Variants in NRG3 observed in about 807,000 individuals in gnomAD.
NRG3 encodes pro-neuregulin-3, membrane-bound isoform.
In NRG3, 31 loss-of-function variants were observed where a neutral mutation model predicts 66.9. That is an observed-to-expected ratio of 0.46 (90% CI 0.35 to 0.63). The LOEUF is 0.63. Among genes scored for constraint, NRG3 ranks in the 20% least tolerant of loss-of-function variants. NRG3 has a pLI of 0.00. For missense variants in NRG3, 910 were observed against 878.9 expected, an observed-to-expected ratio of 1.04 and a Z score of -0.45; for synonymous variants, 393 against 359.4, an observed-to-expected ratio of 1.09 and a Z score of -1.06.
At position 82,014,248 on chromosome 10, in the gene NRG3, C is replaced by T. The variant is rs370606311; in HGVS notation, c.823+138085C>T. On this transcript the variant is annotated intron_variant, in intron 1 of 8. Coordinates refer to ENST00000372141, the MANE Select transcript of NRG3 (RefSeq NM_001010848.4). ...CTTCCATAAGCAAGTGCTTTATACT[C>T]ACACTGTTGCATGTAAACTCCTCAA... Among the ~76,000 whole-genome samples, 11 of 152,184 alleles carry T rather than the reference C, an allele frequency of 7.2e-5. No homozygotes were observed. In the East Asian group the frequency reaches 1.3e-3, roughly 19 times the overall value.
intron 2 of NRG3, among the ~76,000 whole-genome samples, chr10:82,597,922 A>ATC: frequency 6.7e-6 from 1 of 148,568 alleles, no homozygotes; most frequent in East Asian, 2.0e-4. Flanking sequence ...TCCCTCTCAA[A>ATC]AAAAAAAAAA....
At chr10:82,407,570 T>A (rs2136111633) in intron 2 of NRG3, among the ~76,000 whole-genome samples, 1 of 152,280 alleles carries the variant, frequency 6.6e-6, no homozygotes, top group South Asian at 2.1e-4. Flanking sequence ...ACACACAAAA[T>A]AATGCCTTAC....
At chr10:82,311,603 G>A (rs2081031206) in intron 1 of NRG3, among the ~76,000 whole-genome samples, 1 of 152,178 alleles carries the variant, frequency 6.6e-6, no homozygotes, top group Admixed American at 6.5e-5. Flanking sequence ...GTTCAGTGTG[G>A]CAGGTAGGAT....
intron 2 of NRG3, among the ~76,000 whole-genome samples, chr10:82,371,921 C>T (rs1463448785): frequency 1.3e-5 from 2 of 152,258 alleles, no homozygotes; most frequent in Non-Finnish European, 2.9e-5. Context: ...CATCTGCTCT[C>T]ATGACTCAAA....
chr10:82,872,265 G>T (rs1003602788), intron 4 of NRG3, among the ~76,000 whole-genome samples: 6 of 152,024 alleles, frequency 3.9e-5, no homozygotes, highest in Non-Finnish European at 7.4e-5. Flanking sequence ...ATGTCACTTG[G>T]TTGTGTTTTC....
In NRG3 at chr10:81,991,843, A is replaced by G. The variant is rs193254171; in HGVS notation, c.823+115680A>G. Among the ~76,000 whole-genome samples, 329 of 152,278 alleles carry G rather than the reference A, an allele frequency of 2.2e-3. 1 individual carries two copies. Among genetic ancestry groups the G allele is most frequent in the Middle Eastern group, 0.01 (3 of 294 alleles). On this transcript the variant is annotated intron_variant, in intron 1 of 8. Transcript: ENST00000372141. ...TCACCCATGAATATTTTAAAGAGGTAGCTCTTTATTCTCCAGAGTAAACTA... is the reference window on the plus strand; with the variant it reads ...TCACCCATGAATATTTTAAAGAGGTGGCTCTTTATTCTCCAGAGTAAACTA...
chr10:82,326,414 T>C (rs2081874673), intron 1 of NRG3, among the ~76,000 whole-genome samples: 1 of 152,126 alleles, frequency 6.6e-6, no homozygotes, highest in East Asian at 1.9e-4. Context: ...TGCTTGGAAT[T>C]TGTCGAGCTT....
intron 1 of NRG3, among the ~76,000 whole-genome samples, chr10:81,955,134 T>A (rs1201945887): frequency 6.8e-6 from 1 of 147,592 alleles, no homozygotes; most frequent in Admixed American, 6.8e-5. Context: ...ACCTGTTATA[T>A]AATATATATG....
At chr10:82,073,667 C>G (rs932906561) in intron 1 of NRG3, among the ~76,000 whole-genome samples, 2 of 152,024 alleles carry the variant, frequency 1.3e-5, no homozygotes, top group Non-Finnish European at 2.9e-5. Context: ...TATAATTTAT[C>G]TGGTGTCTTC....
chr10:82,807,437 A>G (rs2061336285), intron 3 of NRG3, among the ~76,000 whole-genome samples: 1 of 152,176 alleles, frequency 6.6e-6, no homozygotes, highest in African/African-American at 2.4e-5. Context: ...GGGTGTGTGG[A>G]GTGTTGCTAC....
At chr10:82,174,506 GTTTGT>G (rs903386627) in intron 1 of NRG3, among the ~76,000 whole-genome samples, 1 of 151,722 alleles carries the variant, frequency 6.6e-6, no homozygotes, top group Non-Finnish European at 1.5e-5. Context: ...TATTTCTTCT[GTTTGT>G]TTTAAGTTTA....
chr10:82,905,853 T>C (rs1347604130), intron 4 of NRG3, among the ~76,000 whole-genome samples: 3 of 152,152 alleles, frequency 2.0e-5, no homozygotes, highest in East Asian at 3.9e-4. Context: ...ATCCAAGATA[T>C]TAACAATGTT....
intron 2 of NRG3, among the ~76,000 whole-genome samples, chr10:82,435,715 A>C (rs1050862546): frequency 4.6e-5 from 7 of 150,718 alleles, no homozygotes; most frequent in Non-Finnish European, 1.0e-4. Context: ...CCCAGGAGTC[A>C]TTCAGGAGCA....
chr10:82,377,568 A>C (rs1386268770), intron 2 of NRG3, among the ~76,000 whole-genome samples: 1 of 152,150 alleles, frequency 6.6e-6, no homozygotes, highest in Non-Finnish European at 1.5e-5. Context: ...GTCCTTCCAA[A>C]TTCAAAGCCA....
At chr10:82,649,459 CTTTTTTTTTTTTT>C (rs71469930) in intron 2 of NRG3, among the ~76,000 whole-genome samples, 2,175 of 48,952 alleles carry the variant, frequency 0.044, 102 homozygotes, top group African/African-American at 0.13. Context: ...CTGGTGCAGG[CTTTTTTTTTTTTT>C]TTTTTTTTTT....
At chr10:82,886,154 C>T (rs544918644) in intron 4 of NRG3, among the ~76,000 whole-genome samples, 1 of 152,364 alleles carries the variant, frequency 6.6e-6, no homozygotes, top group South Asian at 2.1e-4. Flanking sequence ...GCGTGAGCCA[C>T]AGGGCCCGGC....
At chr10:81,898,477 A>G (rs1843727912) in intron 1 of NRG3, among the ~76,000 whole-genome samples, 1 of 152,180 alleles carries the variant, frequency 6.6e-6, no homozygotes, top group South Asian at 2.1e-4. Context: ...GGTTGGCTGA[A>G]TCTACTATCT....
chr10:82,499,214 C>G (rs958124389), intron 2 of NRG3, among the ~76,000 whole-genome samples: 1 of 152,080 alleles, frequency 6.6e-6, no homozygotes, highest in Non-Finnish European at 1.5e-5. Context: ...AACATGTATT[C>G]CCTACAATCT....
intron 7 of NRG3, among the ~76,000 whole-genome samples, chr10:82,976,087 G>A (rs1310097625): frequency 2.0e-5 from 3 of 151,720 alleles, no homozygotes; most frequent in Non-Finnish European, 2.9e-5. Context: ...ATAGAGTCTC[G>A]CTCTGTCACC....
Sources: allele counts gnomAD v4.1 joint callset (sites outside exome capture counted in the v4.1 genomes callset), GRCh38; gene constraint gnomAD v4.1.1; transcripts MANE v1.5; gene names NCBI Gene and HGNC (gene_info 2026-07-23, HGNC 2026-07-21).